The following SS18 variants were observed in gnomAD, a reference collection of about 807,000 sequenced individuals.
The protein encoded by SS18 is SS18 subunit of BAF chromatin remodeling complex.
Under a neutral mutation model 72.5 loss-of-function variants are expected in SS18, and 28 were observed. That is an observed-to-expected ratio of 0.39 (90% CI 0.29 to 0.53). SS18 has a LOEUF of 0.53. Ranked by LOEUF, SS18 falls within the 20% of genes least tolerant of loss-of-function variation. The pLI is 0.76. For missense variants in SS18, 518 were observed against 535.3 expected (o/e 0.97, Z 0.32); for synonymous variants, 172 against 164.2 (o/e 1.05, Z -0.37).
At chr18:26,047,799 T>A (rs980971419) in intron 5 of SS18, among the ~76,000 whole-genome samples, 1 of 144,054 alleles carries the variant, frequency 6.9e-6, no homozygotes, top group African/African-American at 2.9e-5. Context: ...ACCGAGATCA[T>A]GCCACTGCAC....
chr18:26,054,659 G>A (rs1431022547), intron 4 of SS18, among the ~76,000 whole-genome samples: 1 of 151,466 alleles, frequency 6.6e-6, no homozygotes, highest in Non-Finnish European at 1.5e-5. Flanking sequence ...TATTTAATGA[G>A]TGCTATCATT....
intron 10 of SS18, among the ~76,000 whole-genome samples, chr18:26,029,265 T>C (rs1361363669): frequency 6.6e-6 from 1 of 152,198 alleles, no homozygotes; most frequent in Non-Finnish European, 1.5e-5. Flanking sequence ...ACAAGTCCTA[T>C]ATGGCCTTGT....
intron 7 of SS18, among the ~76,000 whole-genome samples, chr18:26,036,240 A>G (rs775684888): frequency 6.6e-6 from 1 of 152,204 alleles, no homozygotes; most frequent in Non-Finnish European, 1.5e-5. Flanking sequence ...TTTCACATGT[A>G]AATAACCTAA....
At chr18:26,068,218 A>G (rs2054253033) in intron 3 of SS18, 1 of 152,232 alleles carries the variant, frequency 6.6e-6, no homozygotes, top group Non-Finnish European at 1.5e-5. Context: ...ACGAAATTTT[A>G]AGAAAAGTTA....
At chr18:26,051,425 T>C (rs1349609805) in intron 5 of SS18, among the ~76,000 whole-genome samples, 2 of 152,234 alleles carry the variant, frequency 1.3e-5, no homozygotes, top group Non-Finnish European at 2.9e-5. Context: ...TCTTATTATG[T>C]CATATCAAAC....
chr18:26,078,745 G>A (rs908802764), intron 2 of SS18, among the ~76,000 whole-genome samples: 9 of 152,184 alleles, frequency 5.9e-5, no homozygotes, highest in Non-Finnish European at 1.0e-4. Context: ...AAATTAGCTG[G>A]GCATGGTGGC....
intron 5 of SS18, among the ~76,000 whole-genome samples, chr18:26,047,103 T>G (rs765279882): frequency 8.5e-5 from 13 of 152,180 alleles, no homozygotes; most frequent in Non-Finnish European, 1.6e-4. Flanking sequence ...TGTTTCCTCA[T>G]GCACAGAATG....
rs750279542 is a variant in SS18 at position 26,037,525 on chromosome 18, A to G, written c.880+1030T>C. Among the ~76,000 whole-genome samples the G allele has an allele frequency of 3.0e-4, 45 of 152,234 alleles. 1 individual carries two copies. Among genetic ancestry groups the G allele is most frequent in the Middle Eastern group, 3.4e-3 (1 of 294 alleles). ...AAAAGAAAAAACAAAACAAAAACCA[A>G]TGTCCTTAAGTACAAATGTACCTTT... On this transcript the variant is annotated intron_variant, in intron 7 of 10. Coordinates refer to ENST00000415083, the MANE Select transcript of SS18 (RefSeq NM_001007559.3).
rs114113011 is a variant in SS18 at position 26,023,423 on chromosome 18, C to T, written c.1231-5043G>A. ...ACCAATGCATGCTCTCATCAAATTGCTCAAAACAATTTGGGCAAGAGAGAA... is the reference window on the plus strand; with the variant it reads ...ACCAATGCATGCTCTCATCAAATTGTTCAAAACAATTTGGGCAAGAGAGAA... On this transcript the variant is annotated intron_variant, in intron 10 of 10. Coordinates refer to ENST00000415083, the MANE Select transcript of SS18 (RefSeq NM_001007559.3). Among the ~76,000 whole-genome samples the T allele has an allele frequency of 8.2e-3, 1,255 of 152,146 alleles. 17 individuals carry two copies. Among genetic ancestry groups the T allele is most frequent in the African/African-American group, 0.029 (1,197 of 41,520 alleles).
At chr18:26,087,653 G>C (rs368019721) in intron 1 of SS18, 76 bp from the exon 2 acceptor site, 24 of 846,012 alleles carry the variant, frequency 2.8e-5, no homozygotes, top group East Asian at 2.7e-4. Context: ...ATTCAGAAAG[G>C]GAGGGCATTA....
At chr18:26,064,363 C>T (rs2144061116) in intron 3 of SS18, among the ~76,000 whole-genome samples, 1 of 152,172 alleles carries the variant, frequency 6.6e-6, no homozygotes, top group Non-Finnish European at 1.5e-5. Context: ...CTCATGAACA[C>T]AGACACAAAA....
At chr18:26,033,731 G>A (rs2053582733) in intron 9 of SS18, among the ~76,000 whole-genome samples, 1 of 151,780 alleles carries the variant, frequency 6.6e-6, no homozygotes, top group South Asian at 2.1e-4. Context: ...GACAACACAA[G>A]CCTATGGATA....
intron 5 of SS18, among the ~76,000 whole-genome samples, chr18:26,044,254 G>A (rs566526527): frequency 6.6e-6 from 1 of 151,972 alleles, no homozygotes; most frequent in South Asian, 2.1e-4. Context: ...AAGTGAATTT[G>A]CCTAATAATT....
At position 26,035,394 on chromosome 18, in the gene SS18, A is replaced by G. The variant is rs1393666124; in HGVS notation, c.974-267T>C. 2 of 421,136 alleles carry G rather than the reference A, an allele frequency of 4.7e-6. No individual in the cohort carries two copies. Among genetic ancestry groups the G allele is most frequent in the Non-Finnish European group, 8.8e-6 (2 of 228,414 alleles). 26.1% of individuals were successfully genotyped at this position (421,136 alleles called of 1,614,324 possible). ...TTACATTTACTGGAACATCACAGTC[A>G]TAAGATCATGACTATGCTAAATAAA... On this transcript the variant is annotated intron_variant, in intron 8 of 10. Coordinates refer to ENST00000415083, the MANE Select transcript of SS18 (RefSeq NM_001007559.3). The surrounding 1 kb of genome is among the most constrained non-coding windows in gnomAD (Gnocchi z 4.4).
chr18:26,065,606 G>A (rs919584760), intron 3 of SS18, among the ~76,000 whole-genome samples: 1 of 151,112 alleles, frequency 6.6e-6, no homozygotes, highest in Admixed American at 6.6e-5. Flanking sequence ...CTATGACACA[G>A]GAAAATATTT....
intron 5 of SS18, among the ~76,000 whole-genome samples, chr18:26,043,071 T>C (rs1037043589): frequency 4.6e-5 from 7 of 152,134 alleles, no homozygotes; most frequent in Non-Finnish European, 8.8e-5. Flanking sequence ...ACCTGTATTA[T>C]TTCTCTTCCC....
At chr18:26,055,723 G>T (rs944849938) in intron 4 of SS18, among the ~76,000 whole-genome samples, 1 of 149,718 alleles carries the variant, frequency 6.7e-6, no homozygotes, top group African/African-American at 2.4e-5. Context: ...CTGTAACTCC[G>T]TAACTATTGT....
intron 9 of SS18, among the ~76,000 whole-genome samples, chr18:26,032,748 C>CTATG (rs761773975): frequency 1.3e-5 from 2 of 152,140 alleles, no homozygotes; most frequent in African/African-American, 2.4e-5. Flanking sequence ...AATTATCGTA[C>CTATG]TATGCCCTAG....
chr18:26,090,927 G>C (rs1025597961), upstream of SS18: 1 of 358,456 alleles, frequency 2.8e-6, no homozygotes, highest in African/African-American at 2.1e-5. Context: ...GGGAGAAGGA[G>C]AGGCTGGGGC....
Sources: gnomAD v4.1 joint callset for allele counts (sites outside exome capture counted in the v4.1 genomes callset) on GRCh38, gnomAD v4.1.1 for gene constraint, Gnocchi (gnomAD v3.1) non-coding constraint, MANE v1.5 for transcripts, NCBI Gene and HGNC (gene_info 2026-07-23, HGNC 2026-07-21) for gene names.